TENM3: variants seen among roughly 807,000 people sequenced by gnomAD.
The protein encoded by TENM3 is teneurin transmembrane protein 3.
Under a neutral mutation model 255.1 loss-of-function variants are expected in TENM3, and 63 were observed. That is an observed-to-expected ratio of 0.25 (90% CI 0.20 to 0.30). The LOEUF is 0.30. Ranked by LOEUF, TENM3 falls within the 10% of genes least tolerant of loss-of-function variation. The pLI, the probability that TENM3 is intolerant of heterozygous loss-of-function variation, is 1.00. For missense variants in TENM3, 2,929 were observed against 3,461.1 expected (o/e 0.85, Z 3.86); for synonymous variants, 1,306 against 1,322.3 (o/e 0.99, Z 0.27).
intron 4 of TENM3, among the ~76,000 whole-genome samples, chr4:182,607,810 CT>C (rs1177338522): frequency 6.6e-6 from 1 of 152,142 alleles, no homozygotes; most frequent in Non-Finnish European, 1.5e-5. Context: ...TAATGTTTGG[CT>C]TTGGATAACC....
At chr4:182,569,185 C>A (rs1413318704) in intron 3 of TENM3, among the ~76,000 whole-genome samples, 1 of 152,112 alleles carries the variant, frequency 6.6e-6, no homozygotes, top group East Asian at 1.9e-4. Flanking sequence ...ATCTATGGGC[C>A]TATGTTGGGA....
chr4:182,171,670 G>T (rs1466753016), intron 1 of TENM3, among the ~76,000 whole-genome samples: 1 of 152,266 alleles, frequency 6.6e-6, no homozygotes, highest in African/African-American at 2.4e-5. Context: ...TCAGTGCCAA[G>T]TATGTTTTCC....
chr4:182,194,613 A>G (rs529910425), intron 1 of TENM3, among the ~76,000 whole-genome samples: 1 of 152,276 alleles, frequency 6.6e-6, no homozygotes, highest in South Asian at 2.1e-4. Context: ...TCTTTTTTTA[A>G]CTCATAAAAG....
intron 1 of TENM3, among the ~76,000 whole-genome samples, chr4:182,288,811 G>T (rs1760915665): frequency 6.6e-6 from 1 of 152,136 alleles, no homozygotes; most frequent in Non-Finnish European, 1.5e-5. Context: ...GCACAGGGTG[G>T]AATACCAGAG....
At chr4:181,865,554 C>T in the TENM3 span, among the ~76,000 whole-genome samples, 885 of 152,288 alleles carry the variant, frequency 5.8e-3, 6 homozygotes, top group Non-Finnish European at 8.1e-3. Flanking sequence ...CACCCGCATG[C>T]CTACACAGAG....
intron 3 of TENM3, among the ~76,000 whole-genome samples, chr4:182,476,944 A>G (rs1482542717): frequency 6.6e-6 from 1 of 152,226 alleles, no homozygotes; most frequent in Non-Finnish European, 1.5e-5. Context: ...AATTGAAATG[A>G]GTCTGTGTTC....
chr4:181,974,430 T>G, the TENM3 span, among the ~76,000 whole-genome samples: 1 of 152,050 alleles, frequency 6.6e-6, no homozygotes, highest in Non-Finnish European at 1.5e-5. Context: ...TAGTCAGGCA[T>G]GCTGGTGCAT....
chr4:181,490,551 C>T, the TENM3 span, among the ~76,000 whole-genome samples: 1 of 152,196 alleles, frequency 6.6e-6, no homozygotes, highest in Non-Finnish European at 1.5e-5. Flanking sequence ...GACTAATTGC[C>T]CTAATCCCGA....
At chr4:181,815,176 G>A in the TENM3 span, among the ~76,000 whole-genome samples, 1 of 152,060 alleles carries the variant, frequency 6.6e-6, no homozygotes, top group Non-Finnish European at 1.5e-5. Context: ...AGGAAGCCAG[G>A]CATGGTGGCT....
At chr4:181,804,324 T>G in the TENM3 span, among the ~76,000 whole-genome samples, 1 of 152,232 alleles carries the variant, frequency 6.6e-6, no homozygotes, top group Non-Finnish European at 1.5e-5. Flanking sequence ...CTAACTGGTT[T>G]GCAAACTTTG....
At chr4:182,317,515 T>C (rs1762819109) in intron 1 of TENM3, among the ~76,000 whole-genome samples, 1 of 151,990 alleles carries the variant, frequency 6.6e-6, no homozygotes. Context: ...GAGGGTTTCA[T>C]CAAGCTGGTC....
rs866065895 is a variant in TENM3 at position 182,489,331 on chromosome 4, T to C, written c.512-111593T>C. On this transcript the variant is annotated intron_variant, in intron 3 of 27. Transcript: ENST00000511685. ...TATGTGATCTCTAAAGCTACAGTTTTATAATTATTCTTACCAGACAAATAT... is the reference window on the plus strand; with the variant it reads ...TATGTGATCTCTAAAGCTACAGTTTCATAATTATTCTTACCAGACAAATAT... 3.9e-5 allele frequency among the ~76,000 whole-genome samples: 6 copies of C among 152,366 alleles called. No homozygotes were observed. In the Middle Eastern group the frequency reaches 0.01, roughly 259 times the overall value.
chr4:182,386,699 G>C (rs558155020), intron 3 of TENM3, among the ~76,000 whole-genome samples: 34 of 152,352 alleles, frequency 2.2e-4, no homozygotes, highest in African/African-American at 8.2e-4. Context: ...ACCCAGGCCA[G>C]CGGCTGCAGA....
At chr4:182,206,265 T>G (rs767953550) in intron 1 of TENM3, among the ~76,000 whole-genome samples, 2 of 152,170 alleles carry the variant, frequency 1.3e-5, no homozygotes, top group Non-Finnish European at 2.9e-5. Context: ...GGACCAGCCC[T>G]GCTCTATTGT....
chr4:182,285,183 C>A (rs74609889), intron 1 of TENM3, among the ~76,000 whole-genome samples: 4,654 of 152,050 alleles, frequency 0.031, 252 homozygotes, highest in African/African-American at 0.11. Flanking sequence ...ATACTACAGG[C>A]TTTGGGTTAA....
the TENM3 span, among the ~76,000 whole-genome samples, chr4:181,665,032 G>A: frequency 6.6e-6 from 1 of 152,150 alleles, no homozygotes; most frequent in Non-Finnish European, 1.5e-5. Flanking sequence ...TTAGGGGGGT[G>A]CCACTCTTAT....
chr4:182,784,942 G>A (rs1037866046), intron 24 of TENM3, among the ~76,000 whole-genome samples: 16 of 152,122 alleles, frequency 1.1e-4, no homozygotes, highest in Admixed American at 9.8e-4. Context: ...CCACTGACCT[G>A]CGCCCACTGT....
chr4:182,774,066 TC>T (rs1268471810), intron 23 of TENM3: 1 of 154,720 alleles, frequency 6.5e-6, no homozygotes, highest in African/African-American at 2.4e-5. Flanking sequence ...TATCCCAAAT[TC>T]CAACTACACA....
the TENM3 span, among the ~76,000 whole-genome samples, chr4:181,747,832 A>C: frequency 2.6e-5 from 4 of 151,954 alleles, no homozygotes; most frequent in Admixed American, 6.6e-5. Flanking sequence ...TGAGGTAGAG[A>C]ATTAGGTAAG....
Sources: gnomAD v4.1 joint callset for allele counts (sites outside exome capture counted in the v4.1 genomes callset) on GRCh38, gnomAD v4.1.1 for gene constraint, MANE v1.5 for transcripts, NCBI Gene and HGNC (gene_info 2026-07-23, HGNC 2026-07-21) for gene names.